SLC25A21: variants seen among roughly 807,000 people sequenced by gnomAD.
SLC25A21 encodes the protein mitochondrial 2-oxodicarboxylate carrier.
SLC25A21 carries 47 observed loss-of-function variants against 43.8 expected under a neutral mutation model. The observed-to-expected ratio is 1.07, with a 90% CI of 0.85 to 1.37. The LOEUF (loss-of-function observed/expected upper bound fraction) is 1.37. Among genes scored for constraint, SLC25A21 ranks in the 40% most tolerant of loss-of-function variants. The pLI is 0.00. For missense variants in SLC25A21, 352 were observed against 350.2 expected, an observed-to-expected ratio of 1.00 and a Z score of -0.04; for synonymous variants, 131 against 121.3, an observed-to-expected ratio of 1.08 and a Z score of -0.52.
chr14:37,137,184 AGACGGG>A (rs1963496692), intron 1 of SLC25A21, among the ~76,000 whole-genome samples: 2 of 151,880 alleles, frequency 1.3e-5, no homozygotes, highest in Admixed American at 6.6e-5. Context: ...TTTTTAGTAG[AGACGGG>A]GTTTCACCGC....
chr14:37,093,036 C>A (rs913981965), intron 1 of SLC25A21, among the ~76,000 whole-genome samples: 1 of 151,926 alleles, frequency 6.6e-6, no homozygotes, highest in Non-Finnish European at 1.5e-5. Flanking sequence ...TATATAGCAA[C>A]TATTGATAAA....
chr14:36,913,851 A>G (rs909346628), intron 1 of SLC25A21, among the ~76,000 whole-genome samples: 1 of 152,250 alleles, frequency 6.6e-6, no homozygotes, highest in Non-Finnish European at 1.5e-5. Context: ...GAAATTCAGA[A>G]TAAGTCAGGA....
At chr14:37,145,290 G>A (rs549874099) in intron 1 of SLC25A21, among the ~76,000 whole-genome samples, 61 of 151,916 alleles carry the variant, frequency 4.0e-4, no homozygotes, top group Non-Finnish European at 6.2e-4. Context: ...TTAAGAGATG[G>A]GGTCTCGCTC....
intron 1 of SLC25A21, among the ~76,000 whole-genome samples, chr14:36,879,458 T>C (rs1261705195): frequency 6.6e-6 from 1 of 152,168 alleles, no homozygotes; most frequent in Admixed American, 6.6e-5. Context: ...ATTTAATATA[T>C]TGTAAATGTT....
At chr14:36,913,024 G>A (rs946276351) in intron 1 of SLC25A21, among the ~76,000 whole-genome samples, 1 of 151,806 alleles carries the variant, frequency 6.6e-6, no homozygotes, top group Non-Finnish European at 1.5e-5. Flanking sequence ...CCTTCAACCT[G>A]CCATTGGCTG....
At chr14:37,006,491 C>A (rs951532993) in intron 1 of SLC25A21, among the ~76,000 whole-genome samples, 19 of 151,824 alleles carry the variant, frequency 1.3e-4, no homozygotes, top group Non-Finnish European at 2.2e-4. Context: ...AAAAGATTTG[C>A]CAAAATTGTG....
At chr14:36,773,008 G>T (rs1407297918) in intron 3 of SLC25A21, among the ~76,000 whole-genome samples, 1 of 152,172 alleles carries the variant, frequency 6.6e-6, no homozygotes, top group African/African-American at 2.4e-5. Context: ...AAGAGATTGG[G>T]AGATTGCTGA....
At chr14:36,740,006 G>A (rs1885190067) in intron 3 of SLC25A21, among the ~76,000 whole-genome samples, 2 of 152,322 alleles carry the variant, frequency 1.3e-5, no homozygotes, top group African/African-American at 4.8e-5. Flanking sequence ...CCCACAGGAA[G>A]AAAAGTCCTG....
rs543241646 is a variant in SLC25A21 at position 36,882,446 on chromosome 14, C to T, written c.71-7442G>A. 4.3e-4 allele frequency among the ~76,000 whole-genome samples: 65 copies of T among 152,276 alleles called. No homozygotes were observed. In the South Asian group the frequency reaches 0.013, roughly 31 times the overall value. ...CTCTCCACACTGCTCCCCGATTCCCCAGCCATTGCAGCCATTGCAGTATTC... is the reference window on the plus strand; with the variant it reads ...CTCTCCACACTGCTCCCCGATTCCCTAGCCATTGCAGCCATTGCAGTATTC... On this transcript the variant is annotated intron_variant, in intron 1 of 9. Transcript: ENST00000331299.
chr14:37,129,076 G>A (rs897614465), intron 1 of SLC25A21, among the ~76,000 whole-genome samples: 6 of 152,084 alleles, frequency 3.9e-5, no homozygotes, highest in Non-Finnish European at 7.3e-5. Context: ...CTACTGTATC[G>A]AACAGGACTG....
intron 1 of SLC25A21, among the ~76,000 whole-genome samples, chr14:36,922,234 C>A (rs1158214785): frequency 6.6e-6 from 1 of 151,864 alleles, no homozygotes; most frequent in Non-Finnish European, 1.5e-5. Flanking sequence ...CTCCTTCCAC[C>A]ATAAACAACT....
chr14:36,881,370 C>T (rs766817538), intron 1 of SLC25A21, among the ~76,000 whole-genome samples: 15 of 151,256 alleles, frequency 9.9e-5, no homozygotes, highest in Non-Finnish European at 2.1e-4. Flanking sequence ...TGTGTGTACA[C>T]ATGAGGAAGT....
chr14:37,076,643 C>A (rs1424990961), intron 1 of SLC25A21, among the ~76,000 whole-genome samples: 2 of 151,930 alleles, frequency 1.3e-5, no homozygotes, highest in African/African-American at 4.8e-5. Context: ...CGCCTGACAG[C>A]ATGCCCGGCT....
At chr14:37,018,689 A>G (rs1477683265) in intron 1 of SLC25A21, among the ~76,000 whole-genome samples, 1 of 151,902 alleles carries the variant, frequency 6.6e-6, no homozygotes, top group African/African-American at 2.4e-5. Flanking sequence ...TTTCTCATCT[A>G]GTTTTCACAT....
intron 2 of SLC25A21, among the ~76,000 whole-genome samples, chr14:36,857,072 C>G (rs1889921580): frequency 6.6e-6 from 1 of 152,196 alleles, no homozygotes; most frequent in Admixed American, 6.5e-5. Context: ...AGAATACACT[C>G]TAGTAGCCAA....
At chr14:36,871,849 A>G (rs1699611773) in intron 2 of SLC25A21, among the ~76,000 whole-genome samples, 2 of 152,066 alleles carry the variant, frequency 1.3e-5, no homozygotes, top group Non-Finnish European at 2.9e-5. Flanking sequence ...TTTATTCTGA[A>G]TTTTAAAAAA....
intron 1 of SLC25A21, among the ~76,000 whole-genome samples, chr14:37,048,139 T>C (rs569294881): frequency 6.6e-6 from 1 of 152,306 alleles, no homozygotes; most frequent in Non-Finnish European, 1.5e-5. Flanking sequence ...TTTAGGCTCA[T>C]TTGAAAAATG....
chr14:36,797,781 TTGAAAAGCCTGAATAGGA>T (rs1299930272), intron 3 of SLC25A21, among the ~76,000 whole-genome samples: 1 of 152,194 alleles, frequency 6.6e-6, no homozygotes. Flanking sequence ...CAAACCTTAT[TTGAAAAGCCTGAATAGGA>T]TGAAAAGGTT....
intron 4 of SLC25A21, among the ~76,000 whole-genome samples, chr14:36,731,802 A>C (rs1427020994): frequency 6.6e-6 from 1 of 152,130 alleles, no homozygotes; most frequent in Non-Finnish European, 1.5e-5. Context: ...ATCTCTGTGC[A>C]GCCTGCTCTT....
Sources: allele counts gnomAD v4.1 joint callset (sites outside exome capture counted in the v4.1 genomes callset), GRCh38; gene constraint gnomAD v4.1.1; transcripts MANE v1.5; gene names NCBI Gene and HGNC (gene_info 2026-07-23, HGNC 2026-07-21).